Variants in L3MBTL4 observed in about 807,000 individuals in gnomAD.
The protein encoded by L3MBTL4 is lethal(3)malignant brain tumor-like protein 4.
L3MBTL4 carries 70 observed loss-of-function variants against 84.5 expected under a neutral mutation model. The ratio of observed to expected loss-of-function variants is 0.83; its 90% CI spans 0.68 to 1.01. The LOEUF (loss-of-function observed/expected upper bound fraction) is 1.01, where lower values mean the gene tolerates loss of function less well. L3MBTL4 is among the 50% of genes least tolerant of loss of function. The pLI, the probability that L3MBTL4 is intolerant of heterozygous loss-of-function variation, is 0.00. For synonymous variants in L3MBTL4, 274 were observed against 259.8 expected (o/e 1.05, Z -0.52); for missense variants, 715 against 754.8 (o/e 0.95, Z 0.62).
intron 5 of L3MBTL4, among the ~76,000 whole-genome samples, chr18:6,248,813 G>C (rs1427991576): frequency 2.6e-5 from 4 of 152,100 alleles, no homozygotes; most frequent in Admixed American, 6.6e-5. Context: ...TCTGTGTATA[G>C]GTACCCCAGC....
At chr18:6,001,687 G>C (rs1321999379) in intron 16 of L3MBTL4, among the ~76,000 whole-genome samples, 1 of 152,122 alleles carries the variant, frequency 6.6e-6, no homozygotes, top group Admixed American at 6.6e-5. Context: ...AAGCAGATTT[G>C]AGTAGAAGTA....
intron 12 of L3MBTL4, among the ~76,000 whole-genome samples, chr18:6,204,564 A>C (rs533044078): frequency 6.6e-6 from 1 of 152,392 alleles, no homozygotes; most frequent in African/African-American, 2.4e-5. Context: ...ATACACATTA[A>C]AACAAATTAA....
chr18:6,294,605 C>A (rs2146739403), intron 4 of L3MBTL4, among the ~76,000 whole-genome samples: 1 of 152,292 alleles, frequency 6.6e-6, no homozygotes, highest in South Asian at 2.1e-4. Context: ...GTCTGGCCAC[C>A]ACCAGGCCCT....
intron 14 of L3MBTL4, among the ~76,000 whole-genome samples, chr18:6,115,792 G>A (rs1289991051): frequency 2.6e-5 from 4 of 152,284 alleles, no homozygotes; most frequent in African/African-American, 4.8e-5. Flanking sequence ...CCACGAAGTC[G>A]TCTTCAGACC....
chr18:5,978,370 G>A (rs1349491022), intron 16 of L3MBTL4, among the ~76,000 whole-genome samples: 1 of 152,164 alleles, frequency 6.6e-6, no homozygotes, highest in Admixed American at 6.5e-5. Flanking sequence ...TTGATGGCTA[G>A]AGAGCAATCT....
intron 1 of L3MBTL4, among the ~76,000 whole-genome samples, chr18:6,323,375 G>A (rs1270025680): frequency 3.3e-5 from 5 of 152,176 alleles, no homozygotes; most frequent in Non-Finnish European, 5.9e-5. Flanking sequence ...AGAAGATGAA[G>A]GAAAGTTTGG....
chr18:5,969,295 C>G (rs531227010), intron 17 of L3MBTL4, 98 bp downstream of exon 17: 5 of 1,331,232 alleles, frequency 3.8e-6, no homozygotes, highest in Non-Finnish European at 5.3e-6. Context: ...AGAAAAAGGG[C>G]GCTGTCCCAG....
At chr18:6,019,421 C>T (rs1170239469) in intron 16 of L3MBTL4, among the ~76,000 whole-genome samples, 1 of 152,022 alleles carries the variant, frequency 6.6e-6, no homozygotes, top group Non-Finnish European at 1.5e-5. Context: ...GTTTAGAAAC[C>T]CCCTCATGTT....
intron 13 of L3MBTL4, among the ~76,000 whole-genome samples, chr18:6,163,062 G>C (rs1328592581): frequency 6.6e-6 from 1 of 152,036 alleles, no homozygotes; most frequent in Non-Finnish European, 1.5e-5. Flanking sequence ...GACTATTCCA[G>C]GAAAGAAGAG....
chr18:6,096,383 G>C (rs1396207715), intron 14 of L3MBTL4, among the ~76,000 whole-genome samples: 2 of 152,278 alleles, frequency 1.3e-5, no homozygotes, highest in South Asian at 2.1e-4. Context: ...AGCATTGCTA[G>C]AATGGAACAA....
chr18:6,169,607 C>T (rs928664860), intron 13 of L3MBTL4, among the ~76,000 whole-genome samples: 3 of 143,756 alleles, frequency 2.1e-5, no homozygotes, highest in African/African-American at 7.8e-5. Context: ...CATGTTCTCA[C>T]TCATAGGTGG....
chr18:6,292,146 T>A (rs973391522), intron 4 of L3MBTL4, among the ~76,000 whole-genome samples: 6 of 152,222 alleles, frequency 3.9e-5, no homozygotes, highest in African/African-American at 1.4e-4. Flanking sequence ...ACATGTAGCA[T>A]GCATCAATTA....
At chr18:6,094,919 T>C (rs896676554) in intron 14 of L3MBTL4, among the ~76,000 whole-genome samples, 7 of 152,178 alleles carry the variant, frequency 4.6e-5, no homozygotes, top group African/African-American at 1.7e-4. Context: ...GAAGGGCGCC[T>C]TTACATGCAT....
chr18:6,345,179 G>C (rs1312084196), intron 1 of L3MBTL4, among the ~76,000 whole-genome samples: 1 of 125,176 alleles, frequency 8.0e-6, no homozygotes, highest in Admixed American at 7.6e-5. Context: ...AGACCAGCCT[G>C]GGCACCGATG....
At chr18:6,266,863 C>G (rs967395889) in intron 4 of L3MBTL4, among the ~76,000 whole-genome samples, 27 of 152,032 alleles carry the variant, frequency 1.8e-4, no homozygotes, top group African/African-American at 6.3e-4. Context: ...GCAGAGGTTG[C>G]AGTGAGTGAA....
intron 12 of L3MBTL4, among the ~76,000 whole-genome samples, chr18:6,203,239 A>AC (rs112417719): frequency 0.056 from 8,571 of 152,216 alleles, 759 homozygotes; most frequent in African/African-American, 0.19. Context: ...AATAATTACT[A>AC]CCCCAGTTCC....
chr18:6,381,761 A>C (rs1283992847), intron 1 of L3MBTL4, among the ~76,000 whole-genome samples: 1 of 152,154 alleles, frequency 6.6e-6, no homozygotes, highest in East Asian at 1.9e-4. Context: ...GGCTGCCCTT[A>C]ACATTTTTTC....
chr18:6,065,947 G>C (rs1170122577), intron 16 of L3MBTL4, among the ~76,000 whole-genome samples: 1 of 151,826 alleles, frequency 6.6e-6, no homozygotes, highest in Non-Finnish European at 1.5e-5. Flanking sequence ...AGTGATATTA[G>C]GTTGTCATTT....
At chr18:6,385,393 C>T (rs984198795) in intron 1 of L3MBTL4, among the ~76,000 whole-genome samples, 1 of 152,034 alleles carries the variant, frequency 6.6e-6, no homozygotes, top group African/African-American at 2.4e-5. Context: ...CAGAGCGAGA[C>T]CCTGTCTCAA....
Sources: allele counts gnomAD v4.1 joint callset (sites outside exome capture counted in the v4.1 genomes callset), GRCh38; gene constraint gnomAD v4.1.1; transcripts MANE v1.5; gene names NCBI Gene and HGNC (gene_info 2026-07-23, HGNC 2026-07-21).